CNBD2: variants seen among roughly 807,000 people sequenced by gnomAD.
CNBD2 encodes cyclic nucleotide-binding domain-containing protein 2.
CNBD2 carries 64 observed loss-of-function variants against 63.7 expected under a neutral mutation model. The observed-to-expected ratio is 1.00, with a 90% confidence interval of 0.82 to 1.24. The LOEUF (loss-of-function observed/expected upper bound fraction) is 1.24, where lower values mean the gene tolerates loss of function less well. Among genes scored for constraint, CNBD2 ranks in the 50% most tolerant of loss-of-function variants. The pLI is 0.00. For synonymous variants in CNBD2, 229 were observed against 255.4 expected (o/e 0.90, Z 0.99); for missense variants, 691 against 713.5 (o/e 0.97, Z 0.36).
At chr20:35,994,304 A>G (rs1331272137) in intron 7 of CNBD2, among the ~76,000 whole-genome samples, 1 of 152,060 alleles carries the variant, frequency 6.6e-6, no homozygotes, top group Non-Finnish European at 1.5e-5. Context: ...ACCTCAGGTG[A>G]TCTGCCTGCC....
intron 8 of CNBD2, among the ~76,000 whole-genome samples, chr20:35,997,242 C>A (rs1160337070): frequency 2.6e-5 from 4 of 152,122 alleles, no homozygotes; most frequent in South Asian, 2.1e-4. Flanking sequence ...GGCATGCTTC[C>A]CCCCACTTCC....
Position 35,982,111 on chromosome 20 carries a change from G to A in CNBD2, c.407+1489G>A, listed in dbSNP as rs531440515. Among the ~76,000 whole-genome samples the A allele has an allele frequency of 3.3e-5, 5 of 152,302 alleles. No individual in the cohort carries two copies. The East Asian group carries it at 7.7e-4, about 23-fold the overall frequency. ...CCCTGAGCAGGGTGTTGGTTCCCCT[G>A]CTGCTGGTCAAGCCAGCGAGTCAGG... On this transcript the variant is annotated intron_variant, in intron 4 of 11. Transcript: ENST00000373973.
intron 10 of CNBD2, among the ~76,000 whole-genome samples, chr20:36,022,184 CTTT>C (rs1162525076): frequency 1.1e-5 from 1 of 87,576 alleles, no homozygotes; most frequent in Non-Finnish European, 2.1e-5. Context: ...CCGGCTAATT[CTTT>C]TTTTTTTCTT....
At chr20:35,993,210 T>C (rs1310113144) in intron 7 of CNBD2, among the ~76,000 whole-genome samples, 1 of 152,114 alleles carries the variant, frequency 6.6e-6, no homozygotes, top group Non-Finnish European at 1.5e-5. Flanking sequence ...GCTTCATAAA[T>C]TTTTATATAT....
chr20:35,965,582 A>G (rs907614693), upstream of CNBD2, among the ~76,000 whole-genome samples: 4 of 152,228 alleles, frequency 2.6e-5, no homozygotes, highest in African/African-American at 9.6e-5. Context: ...TCACATAGGA[A>G]TAGGACCAGT....
intron 11 of CNBD2, among the ~76,000 whole-genome samples, chr20:36,028,245 G>C (rs2057304019): frequency 6.6e-6 from 1 of 152,078 alleles, no homozygotes; most frequent in Non-Finnish European, 1.5e-5. Flanking sequence ...GGTTTACATA[G>C]AGTTGAGTGG....
downstream of CNBD2, among the ~76,000 whole-genome samples, chr20:35,956,009 C>T (rs764940819): frequency 3.3e-5 from 5 of 152,200 alleles, no homozygotes; most frequent in Admixed American, 6.5e-5. Context: ...GCGTGAGCCA[C>T]CGTGCCGGGC....
At chr20:36,017,370 T>A (rs1445755016) in intron 10 of CNBD2, among the ~76,000 whole-genome samples, 1 of 152,154 alleles carries the variant, frequency 6.6e-6, no homozygotes, top group Non-Finnish European at 1.5e-5. Flanking sequence ...GTTGTCCTTA[T>A]GCCATTCTCC....
upstream of CNBD2, chr20:35,954,456 G>A (rs993059511): frequency 6.5e-6 from 10 of 1,548,736 alleles, no homozygotes; most frequent in African/African-American, 9.6e-5. Context: ...ACCTGCACCA[G>A]CGAAGCGCCT....
intron 10 of CNBD2, among the ~76,000 whole-genome samples, chr20:36,023,116 G>A (rs1266066870): frequency 6.6e-6 from 1 of 152,188 alleles, no homozygotes; most frequent in Non-Finnish European, 1.5e-5. Flanking sequence ...TCCACGGTTA[G>A]AGGAATTCCA....
chr20:35,994,615 G>A (rs1179002963), intron 7 of CNBD2, among the ~76,000 whole-genome samples: 1 of 150,680 alleles, frequency 6.6e-6, no homozygotes, highest in Middle Eastern at 3.5e-3. Flanking sequence ...CAGGCTGGGC[G>A]TGGTGGCTCA....
intron 7 of CNBD2, among the ~76,000 whole-genome samples, chr20:35,993,217 A>G (rs1418905221): frequency 6.6e-6 from 1 of 152,204 alleles, no homozygotes; most frequent in Non-Finnish European, 1.5e-5. Context: ...AAATTTTTAT[A>G]TATGTATACA....
Position 35,995,019 on chromosome 20 carries a change from T to C in CNBD2, c.856-19T>C, listed in dbSNP as rs2056803865. 2 of 1,582,022 alleles carry C rather than the reference T, an allele frequency of 1.3e-6. No individual in the cohort carries two copies. Among genetic ancestry groups the C allele is most frequent in the Admixed American group, 1.7e-5 (1 of 59,802 alleles). On this transcript the variant is annotated intron_variant, in intron 7 of 11. Transcript: ENST00000373973. ...GCCTTAGGGGTTAACCCTTTTCCTA[T>C]GTCCCTTGCTGTGTTCAGGGCAGCT...
At chr20:35,995,221 T>C (rs879004028) in intron 8 of CNBD2, 69 bp downstream of exon 8, 6 of 1,033,416 alleles carry the variant, frequency 5.8e-6, no homozygotes, top group Admixed American at 1.9e-5. Flanking sequence ...TCCCAGCACA[T>C]AGAGCCTTAG....
chr20:35,972,881 G>C (rs2056442423), intron 2 of CNBD2, 115 bp downstream of exon 2: 1 of 959,846 alleles, frequency 1.0e-6, no homozygotes, highest in South Asian at 1.6e-5. Flanking sequence ...AAGCAGATGA[G>C]AGACCCAATG....
At chr20:35,998,674 G>C (rs1005107559) in intron 8 of CNBD2, among the ~76,000 whole-genome samples, 1 of 151,934 alleles carries the variant, frequency 6.6e-6, no homozygotes, top group Non-Finnish European at 1.5e-5. Context: ...TTCGAGACCA[G>C]CCTGGCCAAC....
intron 8 of CNBD2, among the ~76,000 whole-genome samples, chr20:35,998,847 C>T (rs764716507): frequency 2.2e-5 from 3 of 135,030 alleles, no homozygotes; most frequent in Non-Finnish European, 4.6e-5. Flanking sequence ...CACTCCAGTC[C>T]GAGCGACAGA....
chr20:35,960,946 CTTTT>C (rs1349318364), intron 2 of CNBD2, among the ~76,000 whole-genome samples: 37 of 151,454 alleles, frequency 2.4e-4, no homozygotes, highest in African/African-American at 8.7e-4. Flanking sequence ...CCTCCTCCCG[CTTTT>C]TCTTTCCTCT....
At chr20:36,006,338 T>G (rs1047928172) in intron 8 of CNBD2, among the ~76,000 whole-genome samples, 2 of 152,166 alleles carry the variant, frequency 1.3e-5, no homozygotes, top group African/African-American at 4.8e-5. Flanking sequence ...GGAGATCTCT[T>G]TTTTAATCAA....
Sources: allele counts gnomAD v4.1 joint callset (sites outside exome capture counted in the v4.1 genomes callset), GRCh38; gene constraint gnomAD v4.1.1; transcripts MANE v1.5; gene names NCBI Gene and HGNC (gene_info 2026-07-23, HGNC 2026-07-21).